ROBO2: variants seen among roughly 807,000 people sequenced by gnomAD.
ROBO2 encodes roundabout homolog 2.
ROBO2 carries 53 observed loss-of-function variants against 160.8 expected under a neutral mutation model. That is an observed-to-expected ratio of 0.33 (90% CI 0.26 to 0.41). The LOEUF is 0.41. Ranked by LOEUF, ROBO2 falls within the 10% of genes least tolerant of loss-of-function variation. The probability of loss-of-function intolerance (pLI) is 1.00; values close to 1 mark genes in which losing one functional copy is unlikely to be tolerated. For missense variants in ROBO2, 1,577 were observed against 1,722.4 expected (o/e 0.92, Z 1.49); for synonymous variants, 664 against 611.7 (o/e 1.09, Z -1.26).
chr3:76,338,744 T>C, intron 2 of ROBO2, among the ~76,000 whole-genome samples: 1 of 150,118 alleles, frequency 6.7e-6, no homozygotes, highest in East Asian at 1.9e-4. Context: ...AAATTATGTA[T>C]AATTATTTTT....
chr3:76,683,353 T>C (rs1187329607), intron 2 of ROBO2, among the ~76,000 whole-genome samples: 3 of 150,382 alleles, frequency 2.0e-5, no homozygotes, highest in African/African-American at 7.4e-5. Flanking sequence ...AGCTGCTGAT[T>C]TTTTTTTTAT....
At chr3:76,873,720 C>G (rs1277747608) in intron 2 of ROBO2, among the ~76,000 whole-genome samples, 1 of 152,180 alleles carries the variant, frequency 6.6e-6, no homozygotes, top group Non-Finnish European at 1.5e-5. Flanking sequence ...CACTCTCTAA[C>G]CTGCCCAGCA....
At chr3:77,354,927 T>C (rs578209682) in intron 2 of ROBO2, among the ~76,000 whole-genome samples, 8 of 152,318 alleles carry the variant, frequency 5.3e-5, no homozygotes, top group African/African-American at 1.9e-4. Context: ...ACGCTAGAAA[T>C]ACCGAAGGTT....
intron 2 of ROBO2, among the ~76,000 whole-genome samples, chr3:76,594,333 TG>T (rs1182023949): frequency 1.3e-5 from 2 of 152,016 alleles, no homozygotes; most frequent in Non-Finnish European, 2.9e-5. Flanking sequence ...ACTTTAGGAT[TG>T]GTGGTACAAT....
chr3:76,406,946 C>T (rs1348571643), intron 2 of ROBO2, among the ~76,000 whole-genome samples: 1 of 151,228 alleles, frequency 6.6e-6, no homozygotes, highest in Non-Finnish European at 1.5e-5. Context: ...AATTTCACAT[C>T]CTACTCTCGC....
chr3:76,237,867 C>A (rs1705041113), intron 2 of ROBO2, among the ~76,000 whole-genome samples: 1 of 152,166 alleles, frequency 6.6e-6, no homozygotes, highest in African/African-American at 2.4e-5. Context: ...AACTCGTGTT[C>A]TAAGACAGCG....
intron 2 of ROBO2, among the ~76,000 whole-genome samples, chr3:76,687,219 C>T (rs1368938939): frequency 6.6e-6 from 1 of 152,038 alleles, no homozygotes; most frequent in Non-Finnish European, 1.5e-5. Context: ...AATACAGGCT[C>T]TGAATCCAGG....
intron 2 of ROBO2, among the ~76,000 whole-genome samples, chr3:76,425,260 A>T (rs1266863354): frequency 6.6e-6 from 1 of 151,968 alleles, no homozygotes; most frequent in Non-Finnish European, 1.5e-5. Context: ...GACTTTCCCA[A>T]ATTAGATGTT....
chr3:77,624,880 T>G (rs190840751), intron 23 of ROBO2, among the ~76,000 whole-genome samples: 1 of 152,270 alleles, frequency 6.6e-6, no homozygotes, highest in African/African-American at 2.4e-5. Context: ...GAATATTGGG[T>G]TCCAGTCCCT....
At chr3:76,311,982 T>C (rs1462530381) in intron 2 of ROBO2, among the ~76,000 whole-genome samples, 1 of 152,234 alleles carries the variant, frequency 6.6e-6, no homozygotes, top group African/African-American at 2.4e-5. Context: ...TCTTCTGCTG[T>C]TGAAAAATTA....
intron 2 of ROBO2, among the ~76,000 whole-genome samples, chr3:77,446,386 G>C (rs2080513009): frequency 6.6e-6 from 1 of 152,016 alleles, no homozygotes; most frequent in Non-Finnish European, 1.5e-5. Flanking sequence ...AATTTGAAAG[G>C]ATATTAAGAC....
intron 2 of ROBO2, among the ~76,000 whole-genome samples, chr3:77,296,759 C>T (rs1187612393): frequency 6.6e-6 from 1 of 152,066 alleles, no homozygotes; most frequent in Admixed American, 6.6e-5. Flanking sequence ...GCTGCTCCTG[C>T]AGGACAAAAG....
chr3:77,598,351 G>A (rs933989631), intron 19 of ROBO2, among the ~76,000 whole-genome samples: 1 of 150,814 alleles, frequency 6.6e-6, no homozygotes, highest in African/African-American at 2.4e-5. Context: ...CTATGAGAAG[G>A]GGAACTCCCT....
intron 2 of ROBO2, among the ~76,000 whole-genome samples, chr3:76,226,165 A>T (rs1448652990): frequency 6.6e-6 from 1 of 152,210 alleles, no homozygotes; most frequent in Non-Finnish European, 1.5e-5. Context: ...TAAGAACACT[A>T]ATTTTTTCTC....
intron 2 of ROBO2, among the ~76,000 whole-genome samples, chr3:76,893,284 A>T (rs970991578): frequency 1.3e-5 from 2 of 151,170 alleles, no homozygotes; most frequent in African/African-American, 4.9e-5. Flanking sequence ...ACAAGAAAAA[A>T]AAAACAAATT....
intron 2 of ROBO2, among the ~76,000 whole-genome samples, chr3:76,481,304 A>T (rs2079193096): frequency 1.3e-5 from 2 of 152,120 alleles, no homozygotes; most frequent in Admixed American, 1.3e-4. Context: ...TGCGGGAGGG[A>T]AAAAGAAAGT....
chr3:76,694,961 A>T (rs1159395334), intron 2 of ROBO2, among the ~76,000 whole-genome samples: 1 of 152,052 alleles, frequency 6.6e-6, no homozygotes, highest in Non-Finnish European at 1.5e-5. Context: ...AAAATTAGCC[A>T]GGCATGGTGG....
intron 2 of ROBO2, among the ~76,000 whole-genome samples, chr3:76,062,268 T>C (rs1203986416): frequency 7.9e-5 from 12 of 152,074 alleles, no homozygotes; most frequent in Non-Finnish European, 2.9e-5. Context: ...ATTAATAAGA[T>C]AATCAAAACA....
At chr3:77,619,705 C>T (rs140596952) in intron 22 of ROBO2, among the ~76,000 whole-genome samples, 1 of 152,122 alleles carries the variant, frequency 6.6e-6, no homozygotes, top group South Asian at 2.1e-4. Context: ...AACTCCAAGC[C>T]CCCCCATAAT....
Sources: gnomAD v4.1 joint callset for allele counts (sites outside exome capture counted in the v4.1 genomes callset) on GRCh38, gnomAD v4.1.1 for gene constraint, MANE v1.5 for transcripts, NCBI Gene and HGNC (gene_info 2026-07-23, HGNC 2026-07-21) for gene names.